The following TASOR variants were observed in gnomAD, a reference collection of about 807,000 sequenced individuals.
TASOR encodes the protein transcription activation suppressor.
A neutral mutation model predicts 178.6 loss-of-function variants in TASOR; 53 were observed. That is an observed-to-expected ratio of 0.30 (90% CI 0.24 to 0.37). The LOEUF (loss-of-function observed/expected upper bound fraction) is 0.37. Among genes scored for constraint, TASOR ranks in the 10% least tolerant of loss-of-function variants. The probability of loss-of-function intolerance (pLI) is 1.00; values close to 1 mark genes in which losing one functional copy is unlikely to be tolerated. For synonymous variants in TASOR, 713 were observed against 696.2 expected, an observed-to-expected ratio of 1.02 and a Z score of -0.38; for missense variants, 1,815 against 1,971.4, an observed-to-expected ratio of 0.92 and a Z score of 1.50.
chr3:56,640,573 C>T (rs1487905418), intron 15 of TASOR, among the ~76,000 whole-genome samples: 1 of 151,978 alleles, frequency 6.6e-6, no homozygotes, highest in African/African-American at 2.4e-5. Context: ...CAGTGCCTAC[C>T]TTACATACCC....
chr3:56,665,920 G>T (rs893279923), intron 7 of TASOR, among the ~76,000 whole-genome samples: 4 of 152,132 alleles, frequency 2.6e-5, no homozygotes, highest in Non-Finnish European at 5.9e-5. Context: ...AGTGAGCCGA[G>T]ATCCTGCCAA....
intron 9 of TASOR, among the ~76,000 whole-genome samples, chr3:56,661,463 G>A (rs2077594053): frequency 6.6e-6 from 1 of 152,110 alleles, no homozygotes; most frequent in Non-Finnish European, 1.5e-5. Flanking sequence ...GCAGTAAAGG[G>A]GATTTGATAC....
intron 21 of TASOR, among the ~76,000 whole-genome samples, chr3:56,626,134 T>C (rs2076794230): frequency 2.0e-5 from 3 of 152,262 alleles, no homozygotes; most frequent in African/African-American, 7.2e-5. Flanking sequence ...TTAACTAGAG[T>C]TCTTCATATC....
At chr3:56,623,656 G>A (rs752687213) in intron 23 of TASOR, 90 bp from the exon 24 acceptor site, 86 of 1,543,176 alleles carry the variant, frequency 5.6e-5, no homozygotes, top group Admixed American at 1.5e-4. Context: ...AATATAACGC[G>A]TCAGGGTCTG....
chr3:56,661,040 T>C (rs369975969), intron 9 of TASOR, 23 bp from the exon 10 acceptor site: 2 of 1,503,984 alleles, frequency 1.3e-6, no homozygotes, highest in East Asian at 2.3e-5. Context: ...TTTAAAAACA[T>C]GTTTGCCTTA....
intron 2 of TASOR, among the ~76,000 whole-genome samples, chr3:56,672,618 CTTCT>C (rs1174310935): frequency 6.6e-6 from 1 of 152,162 alleles, no homozygotes; most frequent in African/African-American, 2.4e-5. Context: ...CTCAATTATT[CTTCT>C]TTGTTTGAAC....
chr3:56,646,584 G>A lies in TASOR; in HGVS notation c.2153C>T (p.Pro718Leu). ...TTTGGCGAGCTTTCTCATATTTTCA[G>A]GTAGATCCTCAAGCTTCCTCTTCAA... is the stretch of plus-strand genomic sequence containing the variant. ...TVLKRKLEDL[P>L]ENMRKLAKTS... Residue 718 changes from proline to leucine, a missense_variant, in exon 14 of 24, where the codon CCT becomes CTT. Around this residue, in one of 5 missense-constraint regions of TASOR, gnomAD observed 655 missense variants for 671.1 expected, o/e 0.98. Coordinates refer to ENST00000683822, the MANE Select transcript of TASOR (RefSeq NM_001365635.2). 3 of 1,612,000 alleles carry A rather than the reference G, an allele frequency of 1.9e-6. No homozygotes were observed. In the South Asian group the frequency reaches 3.3e-5, roughly 18 times the overall value.
chr3:56,662,605 GCA>G, intron 8 of TASOR, 115 bp from the exon 9 acceptor site: 2 of 451,624 alleles, frequency 4.4e-6, no homozygotes, highest in South Asian at 7.4e-5. Flanking sequence ...AAGTAGGAGG[GCA>G]AAAAAAAAAA....
At chr3:56,637,502 CAGAG>C (rs879640118) in intron 17 of TASOR, among the ~76,000 whole-genome samples, 4 of 150,182 alleles carry the variant, frequency 2.7e-5, no homozygotes, top group Non-Finnish European at 5.9e-5. Context: ...GCCTGGGTGA[CAGAG>C]AGAGATTCTG....
intron 11 of TASOR, among the ~76,000 whole-genome samples, chr3:56,653,850 A>C (rs2077412170): frequency 2.6e-5 from 4 of 152,260 alleles, no homozygotes; most frequent in Non-Finnish European, 1.5e-5. Context: ...AAAATTTCTT[A>C]GAAATGAATA....
At chr3:56,629,236 A>C (rs1186525991) in intron 18 of TASOR, 1 of 152,204 alleles carries the variant, frequency 6.6e-6, no homozygotes, top group Non-Finnish European at 1.5e-5. Context: ...ACTGTTAATT[A>C]GGCCAGGTTC....
chr3:56,638,659 T>C (rs761245721), intron 17 of TASOR, 47 bp downstream of exon 17: 48 of 1,604,278 alleles, frequency 3.0e-5, no homozygotes, highest in Non-Finnish European at 4.1e-5. Flanking sequence ...AAGTAGCAAC[T>C]CTGAAGAAGG....
Position 56,641,627 on chromosome 3 carries a change from T to C in TASOR, c.2341A>G (p.Asn781Asp). The C allele has an allele frequency of 1.2e-6, 2 of 1,614,176 alleles. No homozygotes were observed. Among genetic ancestry groups the C allele is most frequent in the Non-Finnish European group, 1.7e-6 (2 of 1,180,044 alleles). ...AGAGATGCATCAGAATGGCGCGCAT[T>C]TGCTAGTGTTTCTGATAACCAATTA... ...LFNWLSETLA[N>D]ARHSDASLTD... The change falls in exon 15 of 24, where the codon AAT (asparagine) becomes GAT (aspartate). Residue 781 changes from asparagine to aspartate, a missense_variant. Coordinates refer to ENST00000683822, the MANE Select transcript of TASOR (RefSeq NM_001365635.2).
chr3:56,666,083 C>G (rs529301395), intron 7 of TASOR, among the ~76,000 whole-genome samples, 177 bp downstream of exon 7: 1 of 152,026 alleles, frequency 6.6e-6, no homozygotes, highest in Non-Finnish European at 1.5e-5. Context: ...GGTAAACTGT[C>G]TGTTCTTCAC....
intron 1 of TASOR, among the ~76,000 whole-genome samples, chr3:56,682,163 G>A (rs1023307189): frequency 4.6e-5 from 7 of 152,218 alleles, no homozygotes; most frequent in African/African-American, 1.4e-4. Flanking sequence ...TACTAATAGA[G>A]ATTTCTAAAT....
chr3:56,623,080 C>T lies in TASOR; in HGVS notation c.4970G>A (p.Trp1657Ter). The T allele has an allele frequency of 6.3e-7, 1 of 1,595,532 alleles. No homozygotes were observed. Among genetic ancestry groups the T allele is most frequent in the Non-Finnish European group, 8.5e-7 (1 of 1,172,020 alleles). The change falls in exon 24 of 24, where the codon TGG (tryptophan) becomes TAG (stop). Residue 1657 changes from tryptophan to a stop codon, truncating the protein, a stop_gained. Coordinates refer to ENST00000683822, the MANE Select transcript of TASOR (RefSeq NM_001365635.2). LOFTEE classifies it high-confidence loss of function. ...DRDKSPPPLS[W>*]GKSDSSRPYS... ...TGGCCTGGAAGAATCACTTTTCCCC[C>T]AACTTAAGGGAGGTGGAGATTTATC...
rs759682668 is a variant in TASOR at position 56,641,662 on chromosome 3, T to C, written c.2306A>G (p.His769Arg). ...TTCTGATAACCAATTAAACAGCCTA[T>C]GGATGTCAGCAATGCCGGAGTTACA... is the stretch of plus-strand genomic sequence containing the variant. ...DTCNSGIADI[H>R]RLFNWLSETL... is the part of the protein sequence containing the mutation. Residue 769 changes from histidine to arginine, a missense_variant, in exon 15 of 24, where the codon CAT (histidine) becomes CGT (arginine). This residue lies in a region of TASOR where 655 missense variants were observed against 671.1 expected (regional missense o/e 0.98). Coordinates refer to ENST00000683822, the MANE Select transcript of TASOR (RefSeq NM_001365635.2). 1.4e-4 allele frequency: 223 copies of C among 1,614,114 alleles called. No homozygotes were observed. The highest frequency in any genetic ancestry group is 1.9e-4 in the Non-Finnish European group (221 of 1,180,048).
At position 56,623,129 on chromosome 3, in the gene TASOR, C is replaced by G. The variant is rs760751364; in HGVS notation, c.4921G>C (p.Ala1641Pro). The change falls in exon 24 of 24, where the codon GCT becomes CCT. Residue 1641 changes from alanine (A) to proline (P), a missense_variant. By Grantham distance (27) the Ala-to-Pro change is conservative. Coordinates refer to ENST00000683822, the MANE Select transcript of TASOR (RefSeq NM_001365635.2). Reference sequence around the variant, plus strand: ...TCTCTATCCAAGCTTTCAGTATAAGCAGATAAGAAGTAATTCTCATTTTCT... The same window carrying G: ...TCTCTATCCAAGCTTTCAGTATAAGGAGATAAGAAGTAATTCTCATTTTCT... Reference protein sequence around the residue: ...SQENENYFLSAYTESLDRDKS... With the variant: ...SQENENYFLSPYTESLDRDKS... 4.3e-6 allele frequency: 7 copies of G among 1,613,540 alleles called. No homozygotes were observed. The highest frequency in any genetic ancestry group is 5.9e-6 in the Non-Finnish European group (7 of 1,179,704).
rs1170778787 is a variant in TASOR, at chr3:56,627,717, T to G, written c.3895A>C (p.Lys1299Gln). ...CCAGCAAAACTAACACAGGGGAGCT[T>G]CTTTAAAGTCACCAAGCCAGGTATC... ...HKIPGLVTLK[K>Q]LPCVSFAGVD... Residue 1299 changes from lysine (K) to glutamine (Q), a missense_variant, in exon 20 of 24, where the codon AAG becomes CAG. Physicochemically the swap from Lys to Gln is moderately conservative, Grantham distance 53 (BLOSUM62 1). Transcript: ENST00000683822. 6.2e-7 allele frequency: 1 copy of G among 1,613,982 alleles called. No homozygotes were observed. Among genetic ancestry groups the G allele is most frequent in the Non-Finnish European group, 8.5e-7 (1 of 1,179,954 alleles).
Sources: allele counts gnomAD v4.1 joint callset (sites outside exome capture counted in the v4.1 genomes callset), GRCh38; gene constraint gnomAD v4.1.1; regional missense constraint gnomAD v4.1.1; transcripts MANE v1.5; gene names NCBI Gene and HGNC (gene_info 2026-07-23, HGNC 2026-07-21).